SRGAP3: variants seen among roughly 807,000 people sequenced by gnomAD.
The protein encoded by SRGAP3 is SLIT-ROBO Rho GTPase activating protein 3, also known as SLIT-ROBO Rho GTPase-activating protein 3.
SRGAP3 carries 39 observed loss-of-function variants against 121.1 expected under a neutral mutation model. That is an observed-to-expected ratio of 0.32 (90% confidence interval 0.25 to 0.42). SRGAP3 has a LOEUF of 0.42. Ranked by LOEUF, SRGAP3 falls within the 10% of genes least tolerant of loss-of-function variation. SRGAP3 has a pLI of 1.00. For missense variants in SRGAP3, 1,213 were observed against 1,470.6 expected, an observed-to-expected ratio of 0.82 and a Z score of 2.86; for synonymous variants, 601 against 570.0, an observed-to-expected ratio of 1.05 and a Z score of -0.77.
At chr3:9,077,669 G>A (rs1391229582) in intron 4 of SRGAP3, among the ~76,000 whole-genome samples, 7 of 152,156 alleles carry the variant, frequency 4.6e-5, no homozygotes, top group African/African-American at 9.7e-5. Flanking sequence ...CAATACCAGC[G>A]GCATTTCTGT....
chr3:9,253,583 C>T (rs1312513599), upstream of SRGAP3, among the ~76,000 whole-genome samples: 1 of 152,098 alleles, frequency 6.6e-6, no homozygotes, highest in Non-Finnish European at 1.5e-5. Context: ...TCCCCCTCGC[C>T]GAGATGACTA....
At position 8,985,732 on chromosome 3, in the gene SRGAP3, G is replaced by A; in HGVS notation, c.3087C>T (p.Ser1029=). The A allele has an allele frequency of 6.3e-7, 1 of 1,597,810 alleles. No individual in the cohort carries two copies. Among genetic ancestry groups the A allele is most frequent in the Non-Finnish European group, 8.5e-7 (1 of 1,179,322 alleles). Residue 1029 remains serine, a synonymous_variant, in exon 22 of 22, where the codon AGC becomes AGT. Coordinates refer to ENST00000383836, the MANE Select transcript of SRGAP3 (RefSeq NM_014850.4). The surrounding 1 kb of genome is among the most constrained non-coding windows in gnomAD (Gnocchi z 5.1). ...RDPDAAMRRS[S]SSSTEMMTTF... ...TGGTCATCATCTCGGTGGAGGAGCTGCTGCTGCGGCGCATGGCGGCATCGG... is the reference window on the plus strand; with the variant it reads ...TGGTCATCATCTCGGTGGAGGAGCTACTGCTGCGGCGCATGGCGGCATCGG...
At chr3:9,180,514 G>A (rs1318619803) in intron 1 of SRGAP3, among the ~76,000 whole-genome samples, 2 of 152,176 alleles carry the variant, frequency 1.3e-5, no homozygotes, top group Admixed American at 1.3e-4. Context: ...GCAGGGCGGG[G>A]AGGACAGGCC....
intron 1 of SRGAP3, among the ~76,000 whole-genome samples, chr3:9,230,729 C>G (rs1953172884): frequency 6.6e-6 from 1 of 151,730 alleles, no homozygotes; most frequent in South Asian, 2.1e-4. Context: ...TAAAATTAGC[C>G]AGGCATGGTG....
rs111845382 is a variant in SRGAP3, at chr3:9,025,467, G to A, written c.1601-129C>T. On this transcript the variant is annotated intron_variant, in intron 13 of 21. Transcript: ENST00000383836. ...TCCCCCGATCCTTTATAACAGAGTC[G>A]TTCCCTATGAATGTCTCCAGAAATG... 34 of 1,060,642 alleles carry A rather than the reference G, an allele frequency of 3.2e-5. 2 individuals are homozygous for A. The highest frequency in any genetic ancestry group is 1.1e-4 in the African/African-American group (7 of 64,200). The allele number at this position is 1,060,642 out of a possible 1,614,324, so 65.7% of individuals were successfully genotyped here.
At chr3:9,273,415 A>G (rs531176561) in intron 3 of SRGAP3, among the ~76,000 whole-genome samples, 1 of 152,274 alleles carries the variant, frequency 6.6e-6, no homozygotes, top group South Asian at 2.1e-4. Context: ...ATGTCTATCC[A>G]AGTCCTTTGC....
At position 9,020,576 on chromosome 3, in the gene SRGAP3, A is replaced by C. The variant is rs183456504; in HGVS notation, c.1678+4685T>G. Among the ~76,000 whole-genome samples the C allele has an allele frequency of 1.9e-3, 289 of 152,350 alleles. 2 individuals carry two copies. Among genetic ancestry groups the C allele is most frequent in the Non-Finnish European group, 3.1e-3 (212 of 68,044 alleles). Reference sequence around the variant, plus strand: ...CTAGTACTAGTTCCCGTTGTTAAGCATGATTCGCATATTGACTTTACATAC... The same window carrying C: ...CTAGTACTAGTTCCCGTTGTTAAGCCTGATTCGCATATTGACTTTACATAC... On this transcript the variant is annotated intron_variant, in intron 14 of 21. Transcript: ENST00000383836.
intron 11 of SRGAP3, chr3:9,034,672 G>A (rs1246061172): frequency 6.6e-6 from 1 of 152,136 alleles, no homozygotes; most frequent in Non-Finnish European, 1.5e-5. Flanking sequence ...AGCCCATCTT[G>A]GATCTATGTC....
chr3:9,276,405 T>G (rs1248338971), intron 3 of SRGAP3, among the ~76,000 whole-genome samples: 1 of 150,702 alleles, frequency 6.6e-6, no homozygotes, highest in East Asian at 1.9e-4. Flanking sequence ...TGATCTCTGA[T>G]CTACATAGAT....
intron 3 of SRGAP3, among the ~76,000 whole-genome samples, chr3:9,279,992 A>G (rs1954648682): frequency 6.6e-6 from 1 of 152,326 alleles, no homozygotes; most frequent in Admixed American, 6.5e-5. Context: ...GACCCAAGCT[A>G]TTGGAGCCAG....
At chr3:9,087,453 C>T (rs556398224) in intron 3 of SRGAP3, among the ~76,000 whole-genome samples, 8 of 152,200 alleles carry the variant, frequency 5.3e-5, no homozygotes, top group Non-Finnish European at 1.2e-4. Flanking sequence ...GTCAAGAACA[C>T]AATTCTAAGG....
At chr3:9,122,133 G>A (rs535109547) in intron 2 of SRGAP3, among the ~76,000 whole-genome samples, 2 of 152,336 alleles carry the variant, frequency 1.3e-5, no homozygotes, top group South Asian at 4.1e-4. Flanking sequence ...TGGCACCAAA[G>A]TAAGTGCTCG....
At position 9,109,037 on chromosome 3, in the gene SRGAP3, T is replaced by G. The variant is rs1451208117; in HGVS notation, c.261-4195A>C. On this transcript the variant is annotated intron_variant, in intron 2 of 21. Coordinates refer to ENST00000383836, the MANE Select transcript of SRGAP3 (RefSeq NM_014850.4). This position sits in a 1 kb window ranked among gnomAD's most constrained non-coding sequence, Gnocchi z 4.4. Reference sequence around the variant, plus strand: ...AAGAACTGCAAGGGGAGCAGTAGGTTTGGACAGAAAATGCATTGCTTATCT... The same window carrying G: ...AAGAACTGCAAGGGGAGCAGTAGGTGTGGACAGAAAATGCATTGCTTATCT... Among the ~76,000 whole-genome samples the G allele has an allele frequency of 1.3e-5, 2 of 152,148 alleles. No homozygotes were observed. The highest frequency in any genetic ancestry group is 6.5e-5 in the Admixed American group (1 of 15,282).
chr3:9,317,702 C>T (rs1955371090), intron 3 of SRGAP3, among the ~76,000 whole-genome samples: 1 of 152,228 alleles, frequency 6.6e-6, no homozygotes, highest in Non-Finnish European at 1.5e-5. Context: ...TCAGAAAGAC[C>T]TGAGAGACTT....
chr3:9,182,629 A>G (rs1295162171), intron 1 of SRGAP3, among the ~76,000 whole-genome samples: 5 of 152,102 alleles, frequency 3.3e-5, no homozygotes, highest in African/African-American at 1.2e-4. Context: ...ACAAATATTT[A>G]TTTTAAAATT....
chr3:9,336,488 T>A (rs1208720921), intron 1 of SRGAP3, among the ~76,000 whole-genome samples: 1 of 152,074 alleles, frequency 6.6e-6, no homozygotes, highest in East Asian at 1.9e-4. Flanking sequence ...TTGTTAGGAT[T>A]ACAGGCATGA....
At chr3:9,249,977 T>C (rs1035634806), upstream of SRGAP3, among the ~76,000 whole-genome samples, 3 of 152,226 alleles carry the variant, frequency 2.0e-5, no homozygotes, top group African/African-American at 7.2e-5. Context: ...TCTACTGGGA[T>C]AGTCTAGCAG....
intron 1 of SRGAP3, among the ~76,000 whole-genome samples, chr3:9,137,251 G>T (rs143816140): frequency 6.6e-6 from 1 of 152,066 alleles, no homozygotes; most frequent in East Asian, 1.9e-4. Flanking sequence ...TCTGTCTTTC[G>T]CCACCTCACG....
chr3:9,145,427 T>C (rs146109593), intron 1 of SRGAP3, among the ~76,000 whole-genome samples: 7 of 152,324 alleles, frequency 4.6e-5, no homozygotes, highest in Admixed American at 2.0e-4. Flanking sequence ...CTCTGTTTTA[T>C]GTAAGTTTTT....
Sources: gnomAD v4.1 joint callset for allele counts (sites outside exome capture counted in the v4.1 genomes callset) on GRCh38, gnomAD v4.1.1 for gene constraint, Gnocchi (gnomAD v3.1) non-coding constraint, MANE v1.5 for transcripts, NCBI Gene and HGNC (gene_info 2026-07-23, HGNC 2026-07-21) for gene names.